The following SRPK2 variants were observed in gnomAD, a reference collection of about 807,000 sequenced individuals.
SRPK2 encodes the protein SRSF protein kinase 2.
SRPK2 carries 21 observed loss-of-function variants against 90.8 expected under a neutral mutation model. That is an observed-to-expected ratio of 0.23 (90% CI 0.16 to 0.33). SRPK2 has a LOEUF of 0.33. Among genes scored for constraint, SRPK2 ranks in the 10% least tolerant of loss-of-function variants. The probability of loss-of-function intolerance (pLI) is 1.00; values close to 1 mark genes in which losing one functional copy is unlikely to be tolerated. For missense variants in SRPK2, 620 were observed against 869.0 expected (o/e 0.71, Z 3.60); for synonymous variants, 288 against 311.1 (o/e 0.93, Z 0.78).
At chr7:105,321,262 G>A (rs1293365793) in intron 2 of SRPK2, among the ~76,000 whole-genome samples, 1 of 152,142 alleles carries the variant, frequency 6.6e-6, no homozygotes, top group African/African-American at 2.4e-5. Context: ...AGACAACTGG[G>A]TATCCACATG....
chr7:105,381,980 C>G (rs1015718978), intron 2 of SRPK2, among the ~76,000 whole-genome samples: 3 of 151,996 alleles, frequency 2.0e-5, no homozygotes, highest in African/African-American at 7.2e-5. Context: ...CCAGCCTGAC[C>G]AAGATGGTGA....
At chr7:105,170,911 GA>G (rs1451902755) in intron 3 of SRPK2, among the ~76,000 whole-genome samples, 19 of 89,520 alleles carry the variant, frequency 2.1e-4, no homozygotes, top group East Asian at 1.9e-3. Flanking sequence ...AAGAAAGAAA[GA>G]AAGGAGAAAG....
intron 2 of SRPK2, among the ~76,000 whole-genome samples, chr7:105,360,689 T>C (rs939611343): frequency 6.6e-5 from 10 of 152,218 alleles, no homozygotes; most frequent in Non-Finnish European, 1.5e-4. Flanking sequence ...TGCTGAATAC[T>C]GGCCCCCACT....
intron 2 of SRPK2, among the ~76,000 whole-genome samples, chr7:105,281,956 G>A (rs1807400689): frequency 6.6e-6 from 1 of 152,054 alleles, no homozygotes; most frequent in Admixed American, 6.6e-5. Context: ...ACACAAACAA[G>A]CTGATCATCA....
At chr7:105,122,837 TCTC>T (rs761602314) in intron 15 of SRPK2, among the ~76,000 whole-genome samples, 103 of 151,488 alleles carry the variant, frequency 6.8e-4, no homozygotes, top group Non-Finnish European at 2.2e-4. Context: ...ACACAATCAC[TCTC>T]TTTTATCCCA....
chr7:105,173,175 G>A (rs1355240934), intron 3 of SRPK2, among the ~76,000 whole-genome samples: 1 of 152,066 alleles, frequency 6.6e-6, no homozygotes, highest in Non-Finnish European at 1.5e-5. Context: ...GTGCAGTAGA[G>A]CAGCACGAAC....
intron 3 of SRPK2, among the ~76,000 whole-genome samples, chr7:105,195,529 T>C (rs1794811837): frequency 6.6e-6 from 1 of 152,188 alleles, no homozygotes; most frequent in African/African-American, 2.4e-5. Context: ...CAAACTGCTT[T>C]TAAACCTAAT....
At chr7:105,222,854 A>T (rs1436113717) in intron 2 of SRPK2, among the ~76,000 whole-genome samples, 4 of 152,238 alleles carry the variant, frequency 2.6e-5, no homozygotes, top group Non-Finnish European at 5.9e-5. Flanking sequence ...CGACAGTGGA[A>T]TTAGCAGAGA....
chr7:105,380,305 T>C (rs751738239), intron 2 of SRPK2, among the ~76,000 whole-genome samples: 15 of 152,134 alleles, frequency 9.9e-5, no homozygotes, highest in Non-Finnish European at 1.8e-4. Context: ...CTAATTTCTG[T>C]ATTTTTAGTA....
At chr7:105,259,514 AC>A (rs1803878408) in intron 2 of SRPK2, among the ~76,000 whole-genome samples, 1 of 152,226 alleles carries the variant, frequency 6.6e-6, no homozygotes, top group Non-Finnish European at 1.5e-5. Context: ...GACTTTCTTC[AC>A]AGTATTGGGA....
rs559359453 is a variant in SRPK2, at chr7:105,388,851, C to G, written c.-45G>C. On this transcript the variant is annotated 5_prime_UTR_variant, in exon 1 of 16. Coordinates refer to ENST00000393651, the MANE Select transcript of SRPK2 (RefSeq NM_182692.3). Reference sequence around the variant, plus strand: ...GGCGGGGGGCTTCGCGACGGCGACGCGGGCGCCGAGACGAGCTGGGCTGCA... The same window carrying G: ...GGCGGGGGGCTTCGCGACGGCGACGGGGGCGCCGAGACGAGCTGGGCTGCA... 3,595 of 1,313,626 alleles carry G rather than the reference C, an allele frequency of 2.7e-3. 4 individuals carry two copies. The highest frequency in any genetic ancestry group is 3.2e-3 in the Non-Finnish European group (3,348 of 1,037,318). 81.4% of individuals were successfully genotyped at this position (1,313,626 alleles called of 1,614,324 possible). A position where few individuals can be genotyped will look rare whatever the true frequency, so the allele number is the denominator to read the frequency against.
At chr7:105,276,573 TAA>T (rs111355343) in intron 2 of SRPK2, among the ~76,000 whole-genome samples, 5 of 137,494 alleles carry the variant, frequency 3.6e-5, no homozygotes, top group African/African-American at 2.7e-5. Flanking sequence ...CTTCATCTCT[TAA>T]AAAAAAAAAA....
At chr7:105,253,791 G>C (rs1404358330) in intron 2 of SRPK2, among the ~76,000 whole-genome samples, 3 of 152,100 alleles carry the variant, frequency 2.0e-5, no homozygotes, top group Non-Finnish European at 4.4e-5. Flanking sequence ...TTTTATTGTA[G>C]TGCAACAAAA....
chr7:105,326,265 C>A (rs138117576), intron 2 of SRPK2, among the ~76,000 whole-genome samples: 1 of 152,316 alleles, frequency 6.6e-6, no homozygotes, highest in Non-Finnish European at 1.5e-5. Context: ...TCTCTAGTCT[C>A]CTAGCTTTCA....
chr7:105,311,086 A>G (rs1040811578), intron 2 of SRPK2, among the ~76,000 whole-genome samples: 1 of 152,206 alleles, frequency 6.6e-6, no homozygotes, highest in African/African-American at 2.4e-5. Flanking sequence ...ATCAAAGGAC[A>G]TTACCAAAAA....
Position 105,319,853 on chromosome 7 carries a change from T to C in SRPK2, c.71+68795A>G, listed in dbSNP as rs1447604512. ...TCACTTCCGAGTTCTGGACATCACTTCCCCCCCTTTTTTTTTTTTTTTGTC... is the reference window on the plus strand; with the variant it reads ...TCACTTCCGAGTTCTGGACATCACTCCCCCCCCTTTTTTTTTTTTTTTGTC... On this transcript the variant is annotated intron_variant, in intron 2 of 15. Coordinates refer to ENST00000393651, the MANE Select transcript of SRPK2 (RefSeq NM_182692.3). Among the ~76,000 whole-genome samples the C allele has an allele frequency of 3.5e-5, 5 of 142,034 alleles. No individual in the cohort carries two copies. In the South Asian group the frequency reaches 6.7e-4, roughly 19 times the overall value. The allele number at this position is 142,034 out of a possible 152,430, so 93.2% of individuals were successfully genotyped here.
rs1563238212 is a variant in SRPK2 at position 105,323,966 on chromosome 7, T to TG, written c.71+64681_71+64682insC. 7.2e-3 allele frequency among the ~76,000 whole-genome samples: 893 copies of TG among 123,668 alleles called. 12 individuals are homozygous for TG. Among genetic ancestry groups the TG allele is most frequent in the African/African-American group, 0.028 (852 of 30,938 alleles). 81.1% of individuals were successfully genotyped at this position (123,668 alleles called of 152,430 possible). On this transcript the variant is annotated intron_variant, in intron 2 of 15. Transcript: ENST00000393651. ...TAAAAAGACTTTGGTCAGACTATTC[T>TG]TTGTGTGTGTGTGTGTGTGTGTGTG...
chr7:105,269,753 G>A (rs1030339871), intron 2 of SRPK2, among the ~76,000 whole-genome samples: 2 of 152,172 alleles, frequency 1.3e-5, no homozygotes, highest in Admixed American at 6.6e-5. Context: ...AAACATCAAC[G>A]ACTGACTAAA....
chr7:105,268,018 A>C (rs1369144895), intron 2 of SRPK2, among the ~76,000 whole-genome samples: 1 of 152,238 alleles, frequency 6.6e-6, no homozygotes, highest in Non-Finnish European at 1.5e-5. Flanking sequence ...TATTTTGGTA[A>C]ACAGAACTGT....
Sources: allele counts gnomAD v4.1 joint callset (sites outside exome capture counted in the v4.1 genomes callset), GRCh38; gene constraint gnomAD v4.1.1; transcripts MANE v1.5; gene names NCBI Gene and HGNC (gene_info 2026-07-23, HGNC 2026-07-21).